Variants in ZNF624 observed in about 807,000 individuals in gnomAD.
ZNF624 encodes the protein zinc finger protein 624.
In ZNF624, 43 loss-of-function variants were observed where a neutral mutation model predicts 74.7. That is an observed-to-expected ratio of 0.58 (90% CI 0.45 to 0.74). ZNF624 has a LOEUF of 0.74. Among genes scored for constraint, ZNF624 ranks in the 30% least tolerant of loss-of-function variants. ZNF624 has a pLI of 0.00. For synonymous variants in ZNF624, 331 were observed against 341.3 expected, an observed-to-expected ratio of 0.97 and a Z score of 0.33; for missense variants, 820 against 1,030.0, an observed-to-expected ratio of 0.80 and a Z score of 2.79.
At chr17:16,636,424 G>T (rs1269253809) in intron 3 of ZNF624, among the ~76,000 whole-genome samples, 2 of 152,146 alleles carry the variant, frequency 1.3e-5, no homozygotes, top group Non-Finnish European at 2.9e-5. Flanking sequence ...AACTACTAAT[G>T]AATTAAAGAA....
rs750260379 is a variant in ZNF624, at chr17:16,622,117, C to T, written c.*171G>A. 1.7e-4 allele frequency: 77 copies of T among 462,068 alleles called. No individual in the cohort carries two copies. Among genetic ancestry groups the T allele is most frequent in the Non-Finnish European group, 2.3e-4 (63 of 274,924 alleles). The allele number at this position is 462,068 out of a possible 1,614,324, so 28.6% of individuals were successfully genotyped here. A position where few individuals can be genotyped will look rare whatever the true frequency, so the allele number is the denominator to read the frequency against. On this transcript the variant is annotated 3_prime_UTR_variant, in exon 6 of 6. Transcript: ENST00000311331. ...CATTATTTTCCTCTAGTGAGAGTTT[C>T]CTTATAACTTCTAAGATTTAATATT...
At chr17:16,616,985 G>A, downstream of ZNF624, 6 of 1,602,924 alleles carry the variant, frequency 3.7e-6, no homozygotes, top group Admixed American at 1.7e-5. Flanking sequence ...GAATTGGAAC[G>A]GGACTGGCTC....
rs533882006 is a variant in ZNF624, at chr17:16,630,786, A to G, written c.376+3076T>C. 1.6e-4 allele frequency among the ~76,000 whole-genome samples: 25 copies of G among 152,262 alleles called. No individual in the cohort carries two copies. In the South Asian group the frequency reaches 1.9e-3, roughly 11 times the overall value. On this transcript the variant is annotated intron_variant, in intron 5 of 5. Transcript: ENST00000311331. ...AAGCCAATTTACCATACAGATAACA[A>G]TTATAACTTTGTATTTACATAATAA...
Position 16,622,244 on chromosome 17 carries a change from T to C in ZNF624, c.*44A>G, listed in dbSNP as rs1908933393. The C allele has an allele frequency of 9.2e-6, 13 of 1,409,208 alleles. No individual in the cohort carries two copies. The highest frequency in any genetic ancestry group is 1.0e-5 in the Non-Finnish European group (11 of 1,052,438). 87.3% of individuals were successfully genotyped at this position (1,409,208 alleles called of 1,614,324 possible). A position where few individuals can be genotyped will look rare whatever the true frequency, so the allele number is the denominator to read the frequency against. Reference sequence around the variant, plus strand: ...TATTCATAAAATATAGTTTATAAGATTCATCTTGTGGAGTTGACATCTAGG... The same window carrying C: ...TATTCATAAAATATAGTTTATAAGACTCATCTTGTGGAGTTGACATCTAGG... On this transcript the variant is annotated 3_prime_UTR_variant, in exon 6 of 6. Coordinates refer to ENST00000311331, the MANE Select transcript of ZNF624 (RefSeq NM_020787.4).
At chr17:16,625,143 T>C (rs918501397) in intron 5 of ZNF624, among the ~76,000 whole-genome samples, 6 of 152,094 alleles carry the variant, frequency 3.9e-5, no homozygotes, top group African/African-American at 1.4e-4. Context: ...TTCTATTTAC[T>C]CCACAAACCA....
chr17:16,623,903 C>G lies in ZNF624; in HGVS notation c.983G>C (p.Gly328Ala). 2 of 1,613,860 alleles carry G rather than the reference C, an allele frequency of 1.2e-6. No homozygotes were observed. The highest frequency in any genetic ancestry group is 1.7e-6 in the Non-Finnish European group (2 of 1,179,990). ...TTCATTACATTTATAGGGTTTTTCT[C>G]CAGTGTGGATTTTTTTGTGCTGACT... ...YLSQHKKIHT[G>A]EKPYKCNECG... is the part of the protein sequence containing the mutation. The change falls in exon 6 of 6, where the codon GGA becomes GCA. Residue 328 changes from glycine (G) to alanine (A), a missense_variant. Physicochemically the swap from Gly to Ala is moderately conservative, Grantham distance 60. Transcript: ENST00000311331. This position sits in a 1 kb window ranked among gnomAD's most constrained non-coding sequence, Gnocchi z 5.3.
chr17:16,622,798 A>G lies in ZNF624; in HGVS notation c.2088T>C (p.Tyr696=). The change falls in exon 6 of 6, where the codon TAT becomes TAC. Residue 696 remains tyrosine, a synonymous_variant. Coordinates refer to ENST00000311331, the MANE Select transcript of ZNF624 (RefSeq NM_020787.4). ...AAACCTTTCCACATTCATTGCATTT[A>G]TAGGGCTTCTCTCCAGTATGCCTTC... ...HQRRHTGEKP[Y]KCNECGKVFT... The G allele has an allele frequency of 1.9e-6, 3 of 1,613,958 alleles. No homozygotes were observed. Among genetic ancestry groups the G allele is most frequent in the Non-Finnish European group, 2.5e-6 (3 of 1,179,956 alleles).
chr17:16,634,148 C>T (rs1029066969), intron 4 of ZNF624, among the ~76,000 whole-genome samples, 191 bp from the exon 5 acceptor site: 1 of 152,116 alleles, frequency 6.6e-6, no homozygotes, highest in African/African-American at 2.4e-5. Flanking sequence ...CAAGTAAAAT[C>T]TAAAATTCAG....
chr17:16,641,869 T>A (rs543044410), intron 3 of ZNF624, among the ~76,000 whole-genome samples: 1 of 152,310 alleles, frequency 6.6e-6, no homozygotes, highest in East Asian at 1.9e-4. Flanking sequence ...TATCAATAAC[T>A]ATTTCAAAAG....
At chr17:16,617,038 T>C (rs142041760), downstream of ZNF624, 9 of 1,609,360 alleles carry the variant, frequency 5.6e-6, no homozygotes, top group South Asian at 5.5e-5. Context: ...TCCATTTTCT[T>C]TGGGGGATCC....
Position 16,623,594 on chromosome 17 carries a change from A to C in ZNF624, c.1292T>G (p.Leu431Arg). 1.2e-6 allele frequency: 2 copies of C among 1,611,910 alleles called. No homozygotes were observed. Among genetic ancestry groups the C allele is most frequent in the Non-Finnish European group, 1.7e-6 (2 of 1,179,306 alleles). The change falls in exon 6 of 6, where the codon CTT (leucine) becomes CGT (arginine). Residue 431 changes from leucine to arginine, a missense_variant. Leu to Arg is a moderately radical substitution (Grantham distance 102, BLOSUM62 -2). Transcript: ENST00000311331. The surrounding 1 kb of genome is among the most constrained non-coding windows in gnomAD (Gnocchi z 5.3). ...AGTGTGGGTCTTCTGATGTACACTA[A>C]GATATGACTTGTTCCTAAAGGCTTT... ...CGKAFRNKSY[L>R]SVHQKTHTEE...
At chr17:16,649,586 G>T (rs1048379636) in intron 2 of ZNF624, 72 bp downstream of exon 2, 12 of 1,392,292 alleles carry the variant, frequency 8.6e-6, no homozygotes, top group Non-Finnish European at 1.2e-5. Context: ...TAGAGAAGTC[G>T]CAAGCCTTCA....
chr17:16,642,848 T>C (rs1354077123), intron 3 of ZNF624, among the ~76,000 whole-genome samples: 1 of 152,120 alleles, frequency 6.6e-6, no homozygotes, highest in Non-Finnish European at 1.5e-5. Context: ...CAATAAAAAA[T>C]GGGCAAAGGA....
At chr17:16,644,096 T>A (rs999023706) in intron 3 of ZNF624, among the ~76,000 whole-genome samples, 4 of 152,174 alleles carry the variant, frequency 2.6e-5, no homozygotes, top group Admixed American at 2.0e-4. Flanking sequence ...CTATACACAC[T>A]GTCTCTCTTT....
downstream of ZNF624, chr17:16,617,053 C>T (rs1157048981): frequency 1.8e-5 from 29 of 1,610,784 alleles, no homozygotes; most frequent in African/African-American, 2.7e-5. Flanking sequence ...GGATCCGGAC[C>T]GAGACCTGCT....
Position 16,622,926 on chromosome 17 carries a change from A to G in ZNF624, c.1960T>C (p.Tyr654His), listed in dbSNP as rs867751091. ...DCGKSFRTKS[Y>H]LIVHQRTHTG... is the part of the protein sequence containing the mutation. The stretch of plus-strand genomic sequence containing the variant: ...TGGGTCCTCTGATGTACAATAAGGT[A>G]TGATTTAGTCCTAAAGGACTTTCCA... Residue 654 changes from tyrosine (Y) to histidine (H), a missense_variant, in exon 6 of 6, where the codon TAC (tyrosine) becomes CAC (histidine). By Grantham distance (83) the Tyr-to-His change is moderately conservative (BLOSUM62 2). Transcript: ENST00000311331. 1 of 1,613,858 alleles carries G rather than the reference A, an allele frequency of 6.2e-7. No individual in the cohort carries two copies. Among genetic ancestry groups the G allele is most frequent in the African/African-American group, 1.3e-5 (1 of 74,874 alleles).
At chr17:16,648,659 A>G (rs1909649800) in intron 2 of ZNF624, among the ~76,000 whole-genome samples, 1 of 152,200 alleles carries the variant, frequency 6.6e-6, no homozygotes, top group South Asian at 2.1e-4. Flanking sequence ...ATAACAAATT[A>G]TATTTGTTGG....
chr17:16,624,639 T>A (rs956931519), intron 5 of ZNF624, 130 bp from the exon 6 acceptor site: 4 of 854,186 alleles, frequency 4.7e-6, no homozygotes, highest in Non-Finnish European at 5.1e-6. Context: ...CACTGACTTG[T>A]TTTTTAGTGA....
intron 3 of ZNF624, among the ~76,000 whole-genome samples, chr17:16,638,046 G>A (rs1428994543): frequency 2.0e-5 from 3 of 152,068 alleles, no homozygotes; most frequent in Admixed American, 6.5e-5. Context: ...ATCAAAAGGT[G>A]GGCAAAGGAT....
Sources: allele counts gnomAD v4.1 joint callset (sites outside exome capture counted in the v4.1 genomes callset), GRCh38; gene constraint gnomAD v4.1.1; non-coding constraint Gnocchi (gnomAD v3.1); transcripts MANE v1.5; gene names NCBI Gene and HGNC (gene_info 2026-07-23, HGNC 2026-07-21).